SLC6A17: variants seen among roughly 807,000 people sequenced by gnomAD.
SLC6A17 encodes the protein sodium-dependent neutral amino acid transporter SLC6A17.
A neutral mutation model predicts 64.5 loss-of-function variants in SLC6A17; 21 were observed. The observed-to-expected ratio is 0.33, with a 90% confidence interval of 0.23 to 0.47. The LOEUF (loss-of-function observed/expected upper bound fraction) is 0.47, where lower values mean the gene tolerates loss of function less well. Ranked by LOEUF, SLC6A17 falls within the 20% of genes least tolerant of loss-of-function variation. The pLI, the probability that SLC6A17 is intolerant of heterozygous loss-of-function variation, is 1.00. For missense variants in SLC6A17, 682 were observed against 963.2 expected (o/e 0.71, Z 3.86); for synonymous variants, 372 against 399.5 (o/e 0.93, Z 0.82).
Position 110,161,236 on chromosome 1 carries a change from G to A in SLC6A17, c.-87-5607G>A, listed in dbSNP as rs567016325. Among the ~76,000 whole-genome samples, 3 of 152,316 alleles carry A rather than the reference G, an allele frequency of 2.0e-5. No individual in the cohort carries two copies. In the East Asian group the frequency reaches 5.8e-4, roughly 29 times the overall value. On this transcript the variant is annotated intron_variant, in intron 1 of 11. Coordinates refer to ENST00000331565, the MANE Select transcript of SLC6A17 (RefSeq NM_001010898.4). ...TTTTGGGCTCAGTAAAAGCTCAGGG[G>A]CTCTGAGGTAATTAGGAGAACAGTT...
chr1:110,176,112 A>G (rs531988841), intron 5 of SLC6A17, among the ~76,000 whole-genome samples: 3 of 152,282 alleles, frequency 2.0e-5, no homozygotes, highest in African/African-American at 7.2e-5. Flanking sequence ...CCACGCACGC[A>G]GGGATATAGA....
chr1:110,170,846 GGT>G (rs113598904), intron 2 of SLC6A17, among the ~76,000 whole-genome samples: 37 of 149,812 alleles, frequency 2.5e-4, no homozygotes, highest in South Asian at 8.4e-4. Context: ...ACTAGTCTGT[GGT>G]GTGTGTGTGT....
chr1:110,168,521 T>A (rs1656133846), intron 2 of SLC6A17, among the ~76,000 whole-genome samples: 2 of 152,340 alleles, frequency 1.3e-5, no homozygotes, highest in South Asian at 4.1e-4. Context: ...AAAGATCTTT[T>A]TTACTTTTTA....
Position 110,197,615 on chromosome 1 carries a change from C to T in SLC6A17, c.1815+16C>T, listed in dbSNP as rs1437631248. 4 of 1,577,702 alleles carry T rather than the reference C, an allele frequency of 2.5e-6. No homozygotes were observed. The highest frequency in any genetic ancestry group is 1.8e-5 in the Admixed American group (1 of 54,160). ...CAAGGAGGAGGTGAGGGGTGGGGCC[C>T]CAAACCCCAGGGACATTTGCATCTT... On this transcript the variant is annotated intron_variant, in intron 11 of 11. Transcript: ENST00000331565.
intron 8 of SLC6A17, 151 bp from the exon 9 acceptor site, chr1:110,194,428 C>T (rs1054545252): frequency 6.1e-6 from 5 of 820,662 alleles, no homozygotes; most frequent in Non-Finnish European, 9.4e-6. Context: ...TCGAGACCCA[C>T]TGGCCAAAAT....
At chr1:110,194,817 G>C (rs1435127597) in intron 9 of SLC6A17, 46 bp downstream of exon 9, 1 of 1,602,820 alleles carries the variant, frequency 6.2e-7, no homozygotes, top group Admixed American at 1.7e-5. Flanking sequence ...GGCTGCCCTT[G>C]TGGACAACAA....
chr1:110,184,936 G>A (rs1055830255), intron 6 of SLC6A17, among the ~76,000 whole-genome samples: 2 of 152,196 alleles, frequency 1.3e-5, no homozygotes, highest in African/African-American at 4.8e-5. Context: ...AGGAGACTGA[G>A]GGATCGGGGT....
intron 1 of SLC6A17, among the ~76,000 whole-genome samples, chr1:110,164,842 C>T (rs1656001954): frequency 6.6e-6 from 1 of 152,192 alleles, no homozygotes; most frequent in African/African-American, 2.4e-5. Flanking sequence ...AACATGTGCT[C>T]CAATTGGTCA....
chr1:110,197,347 A>G, intron 10 of SLC6A17, 90 bp from the exon 11 acceptor site: 1 of 1,506,042 alleles, frequency 6.6e-7, no homozygotes, highest in Non-Finnish European at 8.9e-7. Context: ...GGACTGGGAA[A>G]CGAAGACTTT....
chr1:110,176,109 C>T (rs1263451282), intron 5 of SLC6A17, among the ~76,000 whole-genome samples: 5 of 152,130 alleles, frequency 3.3e-5, no homozygotes, highest in East Asian at 1.9e-4. Flanking sequence ...GTACCACGCA[C>T]GCAGGGATAT....
At position 110,151,226 on chromosome 1, in the gene SLC6A17, G is replaced by A. The variant is rs766528862; in HGVS notation, c.-88+343G>A. Among the ~76,000 whole-genome samples, 181 of 152,360 alleles carry A rather than the reference G, an allele frequency of 1.2e-3. 1 individual carries two copies. The highest frequency in any genetic ancestry group is 1.2e-3 in the Non-Finnish European group (81 of 68,026). On this transcript the variant is annotated intron_variant, in intron 1 of 11. Transcript: ENST00000331565. ...GGCAAGCGCCCGCGGAGAACCGGAG[G>A]GGGCCTGTCCGGCCCATCCGCGGCT...
chr1:110,171,614 C>T lies in SLC6A17; in HGVS notation c.287-446C>T, dbSNP rs1369899107. Among the ~76,000 whole-genome samples, 11 of 152,126 alleles carry T rather than the reference C, an allele frequency of 7.2e-5. No individual in the cohort carries two copies. In the South Asian group the frequency reaches 1.0e-3, roughly 14 times the overall value. ...TCTGGTTCAGACGCTGGGAAGGCTGCACCCGGTGTCTGTGCATCTGGGGGC... is the reference window on the plus strand; with the variant it reads ...TCTGGTTCAGACGCTGGGAAGGCTGTACCCGGTGTCTGTGCATCTGGGGGC... On this transcript the variant is annotated intron_variant, in intron 2 of 11. Coordinates refer to ENST00000331565, the MANE Select transcript of SLC6A17 (RefSeq NM_001010898.4).
chr1:110,181,279 A>T (rs1240317892), intron 6 of SLC6A17, among the ~76,000 whole-genome samples: 1 of 152,256 alleles, frequency 6.6e-6, no homozygotes, highest in Non-Finnish European at 1.5e-5. Flanking sequence ...AACTGTTCAT[A>T]TCCTTCAGCC....
At chr1:110,184,016 G>A (rs182743648) in intron 6 of SLC6A17, among the ~76,000 whole-genome samples, 3 of 152,232 alleles carry the variant, frequency 2.0e-5, no homozygotes, top group South Asian at 2.1e-4. Flanking sequence ...CAACACTTCC[G>A]CAACTCCAAG....
intron 2 of SLC6A17, among the ~76,000 whole-genome samples, chr1:110,171,600 C>T (rs1383383013): frequency 1.3e-5 from 2 of 152,098 alleles, no homozygotes; most frequent in Admixed American, 6.5e-5. Context: ...CTGGTTCAGA[C>T]GCTGGGAAGG....
intron 6 of SLC6A17, among the ~76,000 whole-genome samples, chr1:110,178,414 A>C (rs1348649941): frequency 6.6e-6 from 1 of 152,200 alleles, no homozygotes; most frequent in East Asian, 1.9e-4. Flanking sequence ...TTTAATTATG[A>C]AATATCTCAG....
intron 1 of SLC6A17, among the ~76,000 whole-genome samples, chr1:110,155,081 T>C (rs757802647): frequency 1.3e-5 from 2 of 152,218 alleles, no homozygotes; most frequent in Admixed American, 6.5e-5. Flanking sequence ...AGGCCCATGC[T>C]GTCCTAGCCT....
chr1:110,199,665 A>C lies in SLC6A17; in HGVS notation c.*1221A>C. 1.7e-5 allele frequency: 5 copies of C among 290,032 alleles called. No individual in the cohort carries two copies. The highest frequency in any genetic ancestry group is 5.6e-5 in the East Asian group (1 of 17,738). 18.0% of individuals were successfully genotyped at this position (290,032 alleles called of 1,614,324 possible). Reference sequence around the variant, plus strand: ...TGCCATAGGCAGTGCTGTGGACAGTAGAGGCTGCCAAAGGCAAGGGCTGGT... The same window carrying C: ...TGCCATAGGCAGTGCTGTGGACAGTCGAGGCTGCCAAAGGCAAGGGCTGGT... On this transcript the variant is annotated 3_prime_UTR_variant, in exon 12 of 12. Coordinates refer to ENST00000331565, the MANE Select transcript of SLC6A17 (RefSeq NM_001010898.4).
rs1025268102 is a variant in SLC6A17, at chr1:110,199,597, C to G, written c.*1153C>G. 9.5e-5 allele frequency: 19 copies of G among 199,220 alleles called. No individual in the cohort carries two copies. Among genetic ancestry groups the G allele is most frequent in the African/African-American group, 4.4e-4 (19 of 43,318 alleles). 12.3% of individuals were successfully genotyped at this position (199,220 alleles called of 1,614,324 possible). On this transcript the variant is annotated 3_prime_UTR_variant, in exon 12 of 12. Coordinates refer to ENST00000331565, the MANE Select transcript of SLC6A17 (RefSeq NM_001010898.4). Reference sequence around the variant, plus strand: ...CCAGTGTGCACATCATGTGCAGACACCTTGGAAACCTTTCCCAAGCCTTCC... The same window carrying G: ...CCAGTGTGCACATCATGTGCAGACAGCTTGGAAACCTTTCCCAAGCCTTCC...
Sources: allele counts gnomAD v4.1 joint callset (sites outside exome capture counted in the v4.1 genomes callset), GRCh38; gene constraint gnomAD v4.1.1; transcripts MANE v1.5; gene names NCBI Gene and HGNC (gene_info 2026-07-23, HGNC 2026-07-21).